The following GRID2 variants were observed in gnomAD, a reference collection of about 807,000 sequenced individuals.
GRID2 encodes glutamate ionotropic receptor delta type subunit 2.
Under a neutral mutation model 114.8 loss-of-function variants are expected in GRID2, and 33 were observed. The ratio of observed to expected loss-of-function variants is 0.29; its 90% CI spans 0.22 to 0.38. The LOEUF (loss-of-function observed/expected upper bound fraction) is 0.38. GRID2 is among the 10% of genes least tolerant of loss of function. The pLI, the probability that GRID2 is intolerant of heterozygous loss-of-function variation, is 1.00. For synonymous variants in GRID2, 505 were observed against 449.9 expected (o/e 1.12, Z -1.55); for missense variants, 1,184 against 1,257.7 (o/e 0.94, Z 0.89).
intron 2 of GRID2, among the ~76,000 whole-genome samples, chr4:92,940,714 T>G (rs1751050925): frequency 6.6e-6 from 1 of 152,130 alleles, no homozygotes; most frequent in Non-Finnish European, 1.5e-5. Flanking sequence ...TTGTCATAGA[T>G]AGCTCTTATT....
chr4:93,251,600 A>C (rs944940204), intron 8 of GRID2, among the ~76,000 whole-genome samples: 2 of 152,118 alleles, frequency 1.3e-5, no homozygotes, highest in South Asian at 4.1e-4. Context: ...AGATTATTTT[A>C]TCACTCAGGT....
chr4:92,439,088 A>T (rs1477676961), intron 1 of GRID2, among the ~76,000 whole-genome samples: 1 of 151,504 alleles, frequency 6.6e-6, no homozygotes, highest in Non-Finnish European at 1.5e-5. Context: ...GCCGTTTTAC[A>T]GGATTTGGGT....
chr4:93,750,883 A>G (rs1403083080), intron 14 of GRID2, among the ~76,000 whole-genome samples: 1 of 152,228 alleles, frequency 6.6e-6, no homozygotes, highest in Non-Finnish European at 1.5e-5. Context: ...CTTCTCAATA[A>G]GGATGAAATA....
At chr4:93,285,521 A>G (rs1436716751) in intron 8 of GRID2, among the ~76,000 whole-genome samples, 2 of 152,068 alleles carry the variant, frequency 1.3e-5, no homozygotes, top group Non-Finnish European at 2.9e-5. Flanking sequence ...CATGTTAGAA[A>G]CAATACTAAA....
At chr4:92,638,340 A>G (rs1473420751) in intron 2 of GRID2, among the ~76,000 whole-genome samples, 2 of 151,266 alleles carry the variant, frequency 1.3e-5, no homozygotes, top group African/African-American at 4.8e-5. Context: ...TCTACATGCC[A>G]TGTTACCTTG....
At chr4:92,996,146 C>G (rs900804985) in intron 2 of GRID2, among the ~76,000 whole-genome samples, 1 of 151,682 alleles carries the variant, frequency 6.6e-6, no homozygotes, top group Admixed American at 6.6e-5. Context: ...AAAAATTAGC[C>G]AGGCATGGTA....
chr4:92,526,342 TTTTG>T (rs1287382271), intron 1 of GRID2, among the ~76,000 whole-genome samples: 2 of 152,110 alleles, frequency 1.3e-5, no homozygotes, highest in Non-Finnish European at 1.5e-5. Flanking sequence ...TAGTTGCATT[TTTTG>T]TTTGTTTTGT....
intron 1 of GRID2, among the ~76,000 whole-genome samples, chr4:92,431,753 T>C (rs1223450198): frequency 1.1e-4 from 17 of 152,216 alleles, no homozygotes; most frequent in Admixed American, 1.1e-3. Flanking sequence ...TTTAGTTCAT[T>C]TGGTGAAGTC....
chr4:93,178,380 A>ATT (rs11428288), intron 4 of GRID2, among the ~76,000 whole-genome samples: 2,477 of 50,298 alleles, frequency 0.049, 635 homozygotes, highest in Middle Eastern at 0.13. Flanking sequence ...TTGAAAATAG[A>ATT]TTTTTTTTTT....
chr4:93,339,963 G>C (rs1055530691), intron 8 of GRID2, among the ~76,000 whole-genome samples: 4 of 152,156 alleles, frequency 2.6e-5, no homozygotes, highest in African/African-American at 9.7e-5. Context: ...CCATGATTCA[G>C]TTACCTCCAC....
intron 4 of GRID2, among the ~76,000 whole-genome samples, chr4:93,115,723 G>A (rs114182355): frequency 0.025 from 3,768 of 152,186 alleles, 62 homozygotes; most frequent in Non-Finnish European, 0.039. Flanking sequence ...TTACATGGTG[G>A]CAGGCAAGAG....
chr4:93,774,733 G>A (rs2110346049), downstream of GRID2, among the ~76,000 whole-genome samples: 1 of 152,152 alleles, frequency 6.6e-6, no homozygotes, highest in Admixed American at 6.5e-5. Flanking sequence ...ACTAAGTGAT[G>A]TCTTAAACCA....
Position 92,766,515 on chromosome 4 carries a change from C to T in GRID2, c.244+176229C>T, listed in dbSNP as rs148523541. Among the ~76,000 whole-genome samples the T allele has an allele frequency of 7.8e-3, 972 of 124,780 alleles. 2 individuals are homozygous for T. The highest frequency in any genetic ancestry group is 0.011 in the Non-Finnish European group (686 of 63,910). The allele number at this position is 124,780 out of a possible 152,430, so 81.9% of individuals were successfully genotyped here. ...TAGTGCCACTGCACTACAGCTTGGG[C>T]GACAGAGCAAGACTCCTTCTCAAAA... On this transcript the variant is annotated intron_variant, in intron 2 of 15. Transcript: ENST00000282020.
chr4:92,392,767 A>T (rs1341909882), intron 1 of GRID2, among the ~76,000 whole-genome samples: 1 of 152,130 alleles, frequency 6.6e-6, no homozygotes, highest in Admixed American at 6.6e-5. Context: ...ATTCATACCT[A>T]AAGACTATAC....
chr4:92,585,418 G>C (rs1728383575), intron 1 of GRID2, among the ~76,000 whole-genome samples: 1 of 151,858 alleles, frequency 6.6e-6, no homozygotes, highest in Admixed American at 6.6e-5. Flanking sequence ...AAAAAATAAA[G>C]ATCAGCTATC....
chr4:93,734,523 A>G (rs1378572630), intron 14 of GRID2, among the ~76,000 whole-genome samples: 1 of 152,006 alleles, frequency 6.6e-6, no homozygotes, highest in Non-Finnish European at 1.5e-5. Flanking sequence ...ATCTTTCCCA[A>G]CATAAAATTA....
At chr4:92,704,719 C>CTT (rs1734860682) in intron 2 of GRID2, among the ~76,000 whole-genome samples, 4 of 143,426 alleles carry the variant, frequency 2.8e-5, no homozygotes, top group Non-Finnish European at 6.1e-5. Context: ...CTCTCTCTCT[C>CTT]TCTTTCTCTC....
At chr4:92,729,076 G>C (rs1163345668) in intron 2 of GRID2, among the ~76,000 whole-genome samples, 3 of 151,958 alleles carry the variant, frequency 2.0e-5, no homozygotes, top group Non-Finnish European at 4.4e-5. Flanking sequence ...TGCCTACCAT[G>C]CTACCTCTGG....
At chr4:93,067,277 T>A (rs1728379946) in intron 2 of GRID2, among the ~76,000 whole-genome samples, 1 of 152,004 alleles carries the variant, frequency 6.6e-6, no homozygotes, top group Non-Finnish European at 1.5e-5. Flanking sequence ...CCAAGCACCC[T>A]TATCATCTTA....
Sources: allele counts gnomAD v4.1 joint callset (sites outside exome capture counted in the v4.1 genomes callset), GRCh38; gene constraint gnomAD v4.1.1; transcripts MANE v1.5; gene names NCBI Gene and HGNC (gene_info 2026-07-23, HGNC 2026-07-21).